MTCL1: variants seen among roughly 807,000 people sequenced by gnomAD.
MTCL1 encodes microtubule crosslinking factor 1.
MTCL1 carries 79 observed loss-of-function variants against 141.4 expected under a neutral mutation model. That is an observed-to-expected ratio of 0.56 (90% CI 0.47 to 0.67). The LOEUF (loss-of-function observed/expected upper bound fraction) is 0.67, where lower values mean the gene tolerates loss of function less well. Among genes scored for constraint, MTCL1 ranks in the 30% least tolerant of loss-of-function variants. The pLI is 0.00. For missense variants in MTCL1, 2,177 were observed against 2,113.9 expected (o/e 1.03, Z -0.59); for synonymous variants, 914 against 875.8 (o/e 1.04, Z -0.77).
At chr18:8,720,313 T>G (rs201049135) in intron 3 of MTCL1, 25 bp from the exon 3 acceptor site, 1 of 1,613,328 alleles carries the variant, frequency 6.2e-7, no homozygotes, top group East Asian at 2.2e-5. Context: ...CATATCCTGA[T>G]AATGATCTCT....
exon 17 of MTCL1, chr18:8,831,711 C>G: frequency 6.4e-7 from 1 of 1,550,650 alleles, no homozygotes; most frequent in Non-Finnish European, 8.7e-7. Flanking sequence ...CACATTCCCC[C>G]ACTGCCTCAC....
At position 8,705,951 on chromosome 18, in the gene MTCL1, C is replaced by G. The variant is rs2096057291; in HGVS notation, c.291C>G (p.Leu97=). ...GGTCCCTGGCCGCGCCCGGCCGCCT[C>G]TCTCGGCGCAGTGGCGGCGTCCCGG... Residue 97 remains leucine (L), a synonymous_variant, in exon 1 of 14, where the codon CTC becomes CTG. Transcript: ENST00000306329. This position sits in a 1 kb window ranked among gnomAD's most constrained non-coding sequence, Gnocchi z 5.2. 42 of 1,106,986 alleles carry G rather than the reference C, an allele frequency of 3.8e-5. No homozygotes were observed. The highest frequency in any genetic ancestry group is 4.4e-5 in the Non-Finnish European group (40 of 910,474). The allele number at this position is 1,106,986 out of a possible 1,614,324, so 68.6% of individuals were successfully genotyped here.
At chr18:8,824,812 T>C in exon 15 of MTCL1, 1 of 1,614,104 alleles carries the variant, frequency 6.2e-7, no homozygotes, top group East Asian at 2.2e-5. Context: ...ACCCCACCCC[T>C]GTCTCCAGAC....
At chr18:8,777,097 G>A (rs1330858669) in intron 4 of MTCL1, among the ~76,000 whole-genome samples, 8 of 152,288 alleles carry the variant, frequency 5.3e-5, no homozygotes, top group East Asian at 1.9e-4. Context: ...TTAGCCAGGC[G>A]TGGTGGCAGG....
chr18:8,741,862 T>C (rs2096305088), intron 4 of MTCL1, among the ~76,000 whole-genome samples: 1 of 152,194 alleles, frequency 6.6e-6, no homozygotes, highest in East Asian at 1.9e-4. Context: ...TTCGCTTGAC[T>C]TAGTGTGGCT....
intron 13 of MTCL1, among the ~76,000 whole-genome samples, chr18:8,819,831 G>A (rs150891940): frequency 8.6e-5 from 13 of 151,972 alleles, no homozygotes; most frequent in Non-Finnish European, 7.4e-5. Flanking sequence ...AGCTGGTCTC[G>A]AACTCCTGGG....
In MTCL1 at chr18:8,721,576, G is replaced by A. The variant is rs868042604; in HGVS notation, c.357+1080G>A. Reference sequence around the variant, plus strand: ...CCTCGCTGGAATGTTCTTTCTCCAGGCACTCACCTGTGGCTCATTCCCTTA... The same window carrying A: ...CCTCGCTGGAATGTTCTTTCTCCAGACACTCACCTGTGGCTCATTCCCTTA... On this transcript the variant is annotated intron_variant, in intron 4 of 16. Coordinates refer to ENST00000359865, the Ensembl canonical transcript of MTCL1. 5.3e-5 allele frequency among the ~76,000 whole-genome samples: 8 copies of A among 152,224 alleles called. 1 individual carries two copies. The South Asian group carries it at 8.3e-4, about 16-fold the overall frequency.
Position 8,830,513 on chromosome 18 carries a change from G to A in MTCL1, c.*19-1094G>A, listed in dbSNP as rs1041256241. On this transcript the variant is annotated intron_variant, in intron 16 of 16. Coordinates refer to ENST00000359865, the Ensembl canonical transcript of MTCL1. This position sits in a 1 kb window ranked among gnomAD's most constrained non-coding sequence, Gnocchi z 6.4. Reference sequence around the variant, plus strand: ...GTGACACTGCCCATTCCGTGCAGCCGTCTGTCCTTCCCCCGCTGCTGCTCC... The same window carrying A: ...GTGACACTGCCCATTCCGTGCAGCCATCTGTCCTTCCCCCGCTGCTGCTCC... 66 of 986,078 alleles carry A rather than the reference G, an allele frequency of 6.7e-5. No homozygotes were observed. The highest frequency in any genetic ancestry group is 1.1e-4 in the East Asian group (1 of 8,858). 61.1% of individuals were successfully genotyped at this position (986,078 alleles called of 1,614,324 possible).
chr18:8,755,344 C>T (rs534802599), intron 4 of MTCL1, among the ~76,000 whole-genome samples: 8 of 152,240 alleles, frequency 5.3e-5, no homozygotes, highest in African/African-American at 1.2e-4. Flanking sequence ...CACAAAGCAC[C>T]GTGTTTAGTC....
chr18:8,706,247 C>T lies in MTCL1; in HGVS notation c.587C>T (p.Ser196Phe), dbSNP rs992347421. The T allele has an allele frequency of 7.3e-6, 9 of 1,228,154 alleles. No homozygotes were observed. In the Admixed American group the frequency reaches 2.1e-4, roughly 29 times the overall value. 76.1% of individuals were successfully genotyped at this position (1,228,154 alleles called of 1,614,324 possible). ...CTCGCGGTGACCTCGGTGGCCGGGTCCCCGGCCCGCTGCTCGCGCATCAGC... is the reference window on the plus strand; with the variant it reads ...CTCGCGGTGACCTCGGTGGCCGGGTTCCCGGCCCGCTGCTCGCGCATCAGC... Residue 196 changes from serine to phenylalanine, a missense_variant, in exon 1 of 14, where the codon TCC becomes TTC. Coordinates refer to the MTCL1 transcript ENST00000306329.
chr18:8,708,858 GA>G (rs981957886), intron 1 of MTCL1, among the ~76,000 whole-genome samples: 1 of 152,190 alleles, frequency 6.6e-6, no homozygotes, highest in African/African-American at 2.4e-5. Context: ...TACTCTGCCT[GA>G]GGCCACCTCC....
exon 15 of MTCL1, chr18:8,826,083 A>G (rs773294240): frequency 6.2e-7 from 1 of 1,611,192 alleles, no homozygotes; most frequent in Non-Finnish European, 8.5e-7. Context: ...CCCTGGCTAC[A>G]CGCTCACTGA....
At chr18:8,824,073 A>C (rs1304087931) in intron 14 of MTCL1, among the ~76,000 whole-genome samples, 1 of 152,188 alleles carries the variant, frequency 6.6e-6, no homozygotes, top group African/African-American at 2.4e-5. Context: ...CTGTTGCCTG[A>C]GCCAGCAGGC....
chr18:8,783,440 A>G, intron 5 of MTCL1, 90 bp from the exon 5 acceptor site: 1 of 1,196,468 alleles, frequency 8.4e-7, no homozygotes, highest in Non-Finnish European at 1.2e-6. Flanking sequence ...GTTTGTGTGC[A>G]TTGGGGGCGA....
intron 10 of MTCL1, among the ~76,000 whole-genome samples, chr18:8,805,102 AATAT>A (rs71356268): frequency 3.4e-5 from 5 of 146,314 alleles, no homozygotes; most frequent in Non-Finnish European, 6.0e-5. Flanking sequence ...TTTATTTTTG[AATAT>A]ATATATATAT....
chr18:8,761,911 A>G (rs952777741), intron 4 of MTCL1, among the ~76,000 whole-genome samples: 2 of 152,232 alleles, frequency 1.3e-5, no homozygotes, highest in African/African-American at 4.8e-5. Context: ...CAGCCAAACC[A>G]TATCTTCATA....
chr18:8,799,499 T>G (rs2076043319), intron 10 of MTCL1, among the ~76,000 whole-genome samples: 2 of 152,240 alleles, frequency 1.3e-5, no homozygotes, highest in Non-Finnish European at 2.9e-5. Flanking sequence ...ATTATGCCAG[T>G]GTCCATGGGG....
intron 12 of MTCL1, among the ~76,000 whole-genome samples, chr18:8,818,738 G>T (rs554703190): frequency 7.9e-5 from 12 of 152,340 alleles, no homozygotes; most frequent in African/African-American, 2.9e-4. Context: ...CTCGTACGTG[G>T]TTAATGCAGA....
At chr18:8,780,946 C>T (rs2096530503) in intron 5 of MTCL1, among the ~76,000 whole-genome samples, 1 of 152,000 alleles carries the variant, frequency 6.6e-6, no homozygotes, top group Admixed American at 6.6e-5. Flanking sequence ...GGTGGTGGAT[C>T]ATCTGAGGTC....
Sources: gnomAD v4.1 joint callset for allele counts (sites outside exome capture counted in the v4.1 genomes callset) on GRCh38, gnomAD v4.1.1 for gene constraint, Gnocchi (gnomAD v3.1) non-coding constraint, MANE v1.5 for transcripts, NCBI Gene and HGNC (gene_info 2026-07-23, HGNC 2026-07-21) for gene names.